Variants in STK3 observed in about 807,000 individuals in gnomAD.
STK3 encodes serine/threonine kinase 3.
Under a neutral mutation model 58.0 loss-of-function variants are expected in STK3, and 41 were observed. The ratio of observed to expected loss-of-function variants is 0.71; its 90% CI spans 0.55 to 0.92. STK3 has a LOEUF of 0.92. Among genes scored for constraint, STK3 ranks in the 40% least tolerant of loss-of-function variants. STK3 has a pLI of 0.00. For missense variants in STK3, 479 were observed against 602.7 expected (o/e 0.79, Z 2.15); for synonymous variants, 170 against 191.0 (o/e 0.89, Z 0.91).
At chr8:98,397,953 G>A (rs902850463), downstream of STK3, among the ~76,000 whole-genome samples, 7 of 152,176 alleles carry the variant, frequency 4.6e-5, no homozygotes, top group Non-Finnish European at 8.8e-5. Flanking sequence ...GGAACTGTGA[G>A]TCAATTAAAC....
intron 10 of STK3, among the ~76,000 whole-genome samples, chr8:98,489,697 A>G (rs953154348): frequency 1.3e-5 from 2 of 152,208 alleles, no homozygotes; most frequent in Non-Finnish European, 2.9e-5. Context: ...GCTATTGAAT[A>G]TAACTATTCC....
intron 6 of STK3, among the ~76,000 whole-genome samples, chr8:98,630,640 A>AAGAAGGAGAAGGAGAAGG (rs145562039): frequency 3.3e-5 from 5 of 150,042 alleles, no homozygotes; most frequent in African/African-American, 1.2e-4. Context: ...GGAACAGAAG[A>AAGAAGGAGAAGGAGAAGG]AGAAGGAGAA....
upstream of STK3, among the ~76,000 whole-genome samples, chr8:98,391,798 T>C (rs866111745): frequency 2.0e-5 from 3 of 152,120 alleles, no homozygotes; most frequent in Admixed American, 6.5e-5. Context: ...CGGGACACAA[T>C]AGAATGGTTT....
At chr8:98,432,039 G>A (rs1818341875) in intron 3 of STK3, 1 of 167,160 alleles carries the variant, frequency 6.0e-6, no homozygotes, top group South Asian at 2.1e-4. Flanking sequence ...GTGACCCAGG[G>A]AGAAATAATC....
intron 3 of STK3, among the ~76,000 whole-genome samples, chr8:98,861,638 A>G (rs1007745863): frequency 6.6e-6 from 1 of 152,058 alleles, no homozygotes; most frequent in Non-Finnish European, 1.5e-5. Context: ...GTGAGCCACC[A>G]TGCCAGGACC....
intron 6 of STK3, chr8:98,598,309 A>C (rs570472238): frequency 1.0e-6 from 1 of 985,294 alleles, no homozygotes; most frequent in Admixed American, 6.1e-5. Flanking sequence ...CAAGGATAAA[A>C]AGCTTAACTC....
chr8:98,349,803 G>C, the STK3 span, among the ~76,000 whole-genome samples: 1 of 152,164 alleles, frequency 6.6e-6, no homozygotes, highest in Non-Finnish European at 1.5e-5. Flanking sequence ...GGCTGGAGCA[G>C]CTGGGACACA....
At chr8:98,912,592 T>TA (rs1489856488) in intron 1 of STK3, among the ~76,000 whole-genome samples, 3 of 152,064 alleles carry the variant, frequency 2.0e-5, no homozygotes, top group Non-Finnish European at 4.4e-5. Context: ...GAGAACAGAC[T>TA]AAAAAACATA....
intron 1 of STK3, among the ~76,000 whole-genome samples, chr8:98,918,509 C>T (rs938244100): frequency 2.0e-5 from 3 of 152,070 alleles, no homozygotes; most frequent in Admixed American, 6.6e-5. Context: ...GTGGCTTATC[C>T]CTGTAATCCC....
At chr8:98,938,510 A>G (rs1009995902) in intron 1 of STK3, among the ~76,000 whole-genome samples, 6 of 152,228 alleles carry the variant, frequency 3.9e-5, no homozygotes, top group African/African-American at 1.4e-4. Flanking sequence ...CAGGACGCCA[A>G]TGCTGGATGC....
intron 10 of STK3, among the ~76,000 whole-genome samples, chr8:98,500,521 C>T (rs981235896): frequency 9.2e-5 from 14 of 152,068 alleles, no homozygotes; most frequent in Admixed American, 9.2e-4. Flanking sequence ...CTGCCCCCTA[C>T]CCCATGACAG....
intron 6 of STK3, among the ~76,000 whole-genome samples, chr8:98,693,055 G>A (rs1192260392): frequency 6.6e-6 from 1 of 152,064 alleles, no homozygotes; most frequent in Non-Finnish European, 1.5e-5. Flanking sequence ...AATGACAAGT[G>A]CCCTTATAAG....
chr8:98,372,420 G>A (rs576123814), intron 2 of STK3, among the ~76,000 whole-genome samples: 81 of 152,230 alleles, frequency 5.3e-4, no homozygotes, highest in Non-Finnish European at 6.5e-4. Context: ...ACAGCTCCCC[G>A]GCCCCTCCAC....
intron 3 of STK3, among the ~76,000 whole-genome samples, chr8:98,409,968 T>C (rs1818036563): frequency 6.6e-6 from 1 of 152,224 alleles, no homozygotes; most frequent in South Asian, 2.1e-4. Flanking sequence ...CAATCAAGTT[T>C]TGTTTAGGAT....
intron 3 of STK3, among the ~76,000 whole-genome samples, chr8:98,878,300 G>T (rs1394815112): frequency 1.3e-5 from 2 of 152,038 alleles, no homozygotes; most frequent in Non-Finnish European, 1.5e-5. Context: ...TGATCCACCC[G>T]CCTCTGCCTC....
intron 3 of STK3, among the ~76,000 whole-genome samples, chr8:98,414,332 T>C (rs1372021049): frequency 6.6e-6 from 1 of 152,222 alleles, no homozygotes; most frequent in Admixed American, 6.5e-5. Flanking sequence ...TACCATTTCC[T>C]CTCAGGCTTT....
intron 3 of STK3, among the ~76,000 whole-genome samples, chr8:98,849,633 C>G (rs997296805): frequency 1.3e-5 from 2 of 152,186 alleles, no homozygotes; most frequent in African/African-American, 2.4e-5. Flanking sequence ...TACTTTTCAG[C>G]AATCCTTTTT....
At chr8:98,401,705 T>A (rs1240272261) in intron 3 of STK3, among the ~76,000 whole-genome samples, 1 of 152,188 alleles carries the variant, frequency 6.6e-6, no homozygotes, top group Non-Finnish European at 1.5e-5. Context: ...ACATGGGATT[T>A]TGTCAACTTG....
intron 10 of STK3, among the ~76,000 whole-genome samples, chr8:98,467,550 G>A (rs1193799650): frequency 1.7e-5 from 2 of 120,012 alleles, no homozygotes; most frequent in Non-Finnish European, 3.3e-5. Context: ...TTTAAAAAAT[G>A]TGTGTGTGTG....
Sources: allele counts gnomAD v4.1 joint callset (sites outside exome capture counted in the v4.1 genomes callset), GRCh38; gene constraint gnomAD v4.1.1; transcripts MANE v1.5; gene names NCBI Gene and HGNC (gene_info 2026-07-23, HGNC 2026-07-21).